The following PDS5A variants were observed in gnomAD, a reference collection of about 807,000 sequenced individuals.
PDS5A encodes sister chromatid cohesion protein PDS5 homolog A.
PDS5A carries 42 observed loss-of-function variants against 167.1 expected under a neutral mutation model. The ratio of observed to expected loss-of-function variants is 0.25; its 90% CI spans 0.20 to 0.33. PDS5A has a LOEUF of 0.33. PDS5A is among the 10% of genes least tolerant of loss of function. The probability of loss-of-function intolerance (pLI) is 1.00; values close to 1 mark genes in which losing one functional copy is unlikely to be tolerated. For missense variants in PDS5A, 1,033 were observed against 1,605.9 expected (o/e 0.64, Z 6.10); for synonymous variants, 553 against 554.6 (o/e 1.00, Z 0.04).
intron 6 of PDS5A, among the ~76,000 whole-genome samples, chr4:39,922,236 T>A (rs765679294): frequency 3.9e-5 from 6 of 152,186 alleles, no homozygotes; most frequent in Non-Finnish European, 8.8e-5. Flanking sequence ...AAGAAAAAGG[T>A]ACGATACGGA....
intron 17 of PDS5A, among the ~76,000 whole-genome samples, chr4:39,887,178 A>G (rs1037147133): frequency 1.3e-5 from 2 of 152,158 alleles, no homozygotes; most frequent in African/African-American, 2.4e-5. Context: ...AGTGGCTTCC[A>G]TATCTTATTC....
chr4:39,886,781 T>C (rs181692116), intron 17 of PDS5A, among the ~76,000 whole-genome samples: 1 of 152,238 alleles, frequency 6.6e-6, no homozygotes, highest in East Asian at 1.9e-4. Context: ...ATTTTTTGTG[T>C]GTTTCCGTTA....
intron 2 of PDS5A, among the ~76,000 whole-genome samples, chr4:39,928,723 G>C (rs1272702973): frequency 6.6e-6 from 1 of 151,716 alleles, no homozygotes; most frequent in African/African-American, 2.4e-5. Flanking sequence ...TGCATAGGAG[G>C]ATGAGATAGG....
chr4:39,953,065 CT>C (rs1343063532), intron 2 of PDS5A, among the ~76,000 whole-genome samples: 2 of 152,134 alleles, frequency 1.3e-5, no homozygotes, highest in African/African-American at 4.8e-5. Flanking sequence ...AGAGTGCCCC[CT>C]CTCATTATCA....
chr4:39,844,704 T>G lies in PDS5A; in HGVS notation c.3500A>C (p.Asn1167Thr). The G allele has an allele frequency of 6.2e-7, 1 of 1,613,524 alleles. No homozygotes were observed. The highest frequency in any genetic ancestry group is 1.1e-5 in the South Asian group (1 of 91,024). ...GTTCAGCTCTGAATTTACATTAATA[T>G]TGCTTCCAGTCTCAGTGCCAGTGCT... The part of the protein sequence containing the change: ...VRSTGTETGS[N>T]INVNSELNPS... Residue 1167 changes from asparagine to threonine, a missense_variant, in exon 30 of 33, where the codon AAT becomes ACT. Physicochemically the swap from Asn to Thr is moderately conservative, Grantham distance 65. Transcript: ENST00000303538.
chr4:39,855,319 A>T (rs933147405), intron 26 of PDS5A, among the ~76,000 whole-genome samples: 2 of 152,236 alleles, frequency 1.3e-5, no homozygotes, highest in Admixed American at 1.3e-4. Flanking sequence ...AGTTTGGAAA[A>T]GTCAGAATGG....
chr4:39,923,103 TGGATCACCTGACATCAGGA>T, intron 5 of PDS5A, among the ~76,000 whole-genome samples: 1 of 151,924 alleles, frequency 6.6e-6, no homozygotes, highest in South Asian at 2.1e-4. Flanking sequence ...CTGAGGCAGG[TGGATCACCTGACATCAGGA>T]GTTCAAGACC....
chr4:39,938,126 A>G (rs565001761), intron 2 of PDS5A, among the ~76,000 whole-genome samples: 5 of 152,312 alleles, frequency 3.3e-5, no homozygotes, highest in African/African-American at 1.2e-4. Context: ...CGTTTTCTGT[A>G]TATCACTTTC....
At chr4:39,960,729 G>A (rs959371184) in intron 2 of PDS5A, among the ~76,000 whole-genome samples, 3 of 150,022 alleles carry the variant, frequency 2.0e-5, no homozygotes, top group East Asian at 2.0e-4. Context: ...TCACTCTGTC[G>A]CCCAGGCTGG....
intron 27 of PDS5A, 55 bp downstream of exon 27, chr4:39,849,460 AGTGGG>A: frequency 9.3e-7 from 1 of 1,069,798 alleles, no homozygotes. Context: ...AAAAAAACCA[AGTGGG>A]ACAATATATT....
At chr4:39,884,555 A>G (rs1225410044) in intron 17 of PDS5A, among the ~76,000 whole-genome samples, 1 of 152,146 alleles carries the variant, frequency 6.6e-6, no homozygotes, top group Non-Finnish European at 1.5e-5. Context: ...TGCTCTGTTC[A>G]TTGTGATTTT....
intron 32 of PDS5A, among the ~76,000 whole-genome samples, chr4:39,834,357 G>A (rs1351305891): frequency 6.6e-6 from 1 of 152,130 alleles, no homozygotes; most frequent in African/African-American, 2.4e-5. Flanking sequence ...CTTATTATGA[G>A]TGTTTGGACA....
chr4:39,903,044 T>A (rs1242731803), intron 12 of PDS5A, among the ~76,000 whole-genome samples: 1 of 148,976 alleles, frequency 6.7e-6, no homozygotes, highest in Non-Finnish European at 1.5e-5. Flanking sequence ...AAACACAGGG[T>A]GCTAGGCTGT....
At chr4:39,925,517 G>C (rs556998131) in intron 5 of PDS5A, among the ~76,000 whole-genome samples, 2 of 152,256 alleles carry the variant, frequency 1.3e-5, no homozygotes, top group African/African-American at 4.8e-5. Flanking sequence ...ACAACCATAT[G>C]TGGTTGCCTC....
chr4:39,961,663 G>GGA (rs1370309491), intron 2 of PDS5A, among the ~76,000 whole-genome samples: 8 of 152,122 alleles, frequency 5.3e-5, no homozygotes, highest in African/African-American at 1.9e-4. Context: ...CAAAGTGCTG[G>GGA]GATTACAGGC....
At chr4:39,897,302 CAAG>C (rs766126164) in intron 16 of PDS5A, among the ~76,000 whole-genome samples, 1 of 152,000 alleles carries the variant, frequency 6.6e-6, no homozygotes, top group Non-Finnish European at 1.5e-5. Context: ...GGCTGAGGCA[CAAG>C]AATCGTCTGA....
intron 11 of PDS5A, 23 bp from the exon 12 acceptor site, chr4:39,904,214 G>A (rs1318408420): frequency 1.3e-6 from 2 of 1,568,696 alleles, no homozygotes; most frequent in Non-Finnish European, 8.7e-7. Context: ...AAATTTATTA[G>A]ATGAGCAAGA....
At chr4:39,905,099 G>T (rs189545097) in intron 11 of PDS5A, among the ~76,000 whole-genome samples, 1 of 152,108 alleles carries the variant, frequency 6.6e-6, no homozygotes, top group Non-Finnish European at 1.5e-5. Context: ...AGGACTTGGG[G>T]AACTGACTAC....
chr4:39,921,995 T>C (rs1321646666), intron 6 of PDS5A, among the ~76,000 whole-genome samples: 5 of 152,200 alleles, frequency 3.3e-5, no homozygotes, highest in Non-Finnish European at 7.3e-5. Flanking sequence ...GATAACAGGA[T>C]ACTGAACCAC....
Sources: gnomAD v4.1 joint callset for allele counts (sites outside exome capture counted in the v4.1 genomes callset) on GRCh38, gnomAD v4.1.1 for gene constraint, MANE v1.5 for transcripts, NCBI Gene and HGNC (gene_info 2026-07-23, HGNC 2026-07-21) for gene names.